NDST4: variants seen among roughly 807,000 people sequenced by gnomAD.
The protein encoded by NDST4 is N-heparan sulfate sulfotransferase 4.
NDST4 carries 63 observed loss-of-function variants against 100.8 expected under a neutral mutation model. The ratio of observed to expected loss-of-function variants is 0.62; its 90% CI spans 0.51 to 0.77. The LOEUF (loss-of-function observed/expected upper bound fraction) is 0.77. NDST4 is among the 30% of genes least tolerant of loss of function. The probability of loss-of-function intolerance (pLI) is 0.00; values close to 1 mark genes in which losing one functional copy is unlikely to be tolerated. For synonymous variants in NDST4, 377 were observed against 361.8 expected (o/e 1.04, Z -0.48); for missense variants, 943 against 1,018.4 (o/e 0.93, Z 1.01).
chr4:115,044,891 A>G (rs1728432356), intron 2 of NDST4, among the ~76,000 whole-genome samples: 1 of 151,980 alleles, frequency 6.6e-6, no homozygotes, highest in Admixed American at 6.6e-5. Context: ...AAATCTGATT[A>G]AAATGAATTC....
chr4:114,949,309 C>A (rs1041649737), intron 4 of NDST4, among the ~76,000 whole-genome samples: 5 of 151,732 alleles, frequency 3.3e-5, no homozygotes, highest in Non-Finnish European at 7.4e-5. Context: ...TGAATATAAG[C>A]AAATCTCAAA....
chr4:114,998,364 T>A (rs1727211062), intron 2 of NDST4, among the ~76,000 whole-genome samples: 1 of 152,092 alleles, frequency 6.6e-6, no homozygotes, highest in Non-Finnish European at 1.5e-5. Context: ...GTGGAAAGAA[T>A]CACTTCCAGC....
chr4:114,965,313 A>G (rs1344729884), intron 4 of NDST4, among the ~76,000 whole-genome samples: 3 of 151,966 alleles, frequency 2.0e-5, no homozygotes, highest in Admixed American at 2.0e-4. Flanking sequence ...ATATTACTTT[A>G]TTTCTTTTTA....
At chr4:115,018,745 C>A (rs1727743325) in intron 2 of NDST4, among the ~76,000 whole-genome samples, 1 of 151,898 alleles carries the variant, frequency 6.6e-6, no homozygotes, top group African/African-American at 2.4e-5. Context: ...ATAATATAAT[C>A]ATGGGGCTAA....
At chr4:114,944,001 T>A (rs1725807592) in intron 4 of NDST4, among the ~76,000 whole-genome samples, 1 of 152,160 alleles carries the variant, frequency 6.6e-6, no homozygotes, top group Non-Finnish European at 1.5e-5. Flanking sequence ...GAGTCAAGTA[T>A]AATGACTAAG....
chr4:114,880,590 C>T (rs149834462), intron 6 of NDST4, among the ~76,000 whole-genome samples: 1 of 152,136 alleles, frequency 6.6e-6, no homozygotes, highest in East Asian at 1.9e-4. Context: ...AAAATAATGT[C>T]ACATTTAGTT....
chr4:114,837,646 C>G (rs911288949), intron 11 of NDST4, among the ~76,000 whole-genome samples: 3 of 152,104 alleles, frequency 2.0e-5, no homozygotes, highest in Non-Finnish European at 2.9e-5. Context: ...GAAACTGGAC[C>G]CCTTCCTTAC....
chr4:114,876,771 A>C (rs1229518497), intron 6 of NDST4, among the ~76,000 whole-genome samples: 1 of 152,226 alleles, frequency 6.6e-6, no homozygotes, highest in Non-Finnish European at 1.5e-5. Flanking sequence ...CTAAAAGTGA[A>C]ACATTCCAAT....
chr4:114,874,135 G>A (rs1434184246), intron 6 of NDST4, among the ~76,000 whole-genome samples: 1 of 152,098 alleles, frequency 6.6e-6, no homozygotes, highest in Non-Finnish European at 1.5e-5. Context: ...ACCTGTGAGA[G>A]TCTAAAGTCT....
At chr4:114,865,009 A>G (rs879866938) in intron 7 of NDST4, among the ~76,000 whole-genome samples, 1 of 152,090 alleles carries the variant, frequency 6.6e-6, no homozygotes, top group Non-Finnish European at 1.5e-5. Flanking sequence ...AGGTAGTCTC[A>G]TAGTAAAACT....
chr4:114,859,891 A>G (rs1284608702), intron 7 of NDST4, among the ~76,000 whole-genome samples: 1 of 152,220 alleles, frequency 6.6e-6, no homozygotes, highest in African/African-American at 2.4e-5. Flanking sequence ...AATCATTTGC[A>G]ATGGAATCTC....
At chr4:114,921,586 CTTT>C (rs2126219149) in intron 6 of NDST4, among the ~76,000 whole-genome samples, 1 of 152,218 alleles carries the variant, frequency 6.6e-6, no homozygotes, top group Admixed American at 6.5e-5. Flanking sequence ...AAATCACTTG[CTTT>C]TTATCACATC....
chr4:114,909,669 CAAAAA>C (rs773267929), intron 6 of NDST4, among the ~76,000 whole-genome samples: 4 of 61,682 alleles, frequency 6.5e-5, no homozygotes, highest in South Asian at 6.1e-4. Flanking sequence ...GACTCCGTCT[CAAAAA>C]AAAAAAAAAA....
chr4:114,879,778 T>C (rs530862086), intron 6 of NDST4, among the ~76,000 whole-genome samples: 98 of 152,252 alleles, frequency 6.4e-4, no homozygotes, highest in African/African-American at 2.2e-3. Flanking sequence ...CCCCAAGGTC[T>C]GAAAACACAA....
intron 2 of NDST4, among the ~76,000 whole-genome samples, chr4:115,002,577 A>G (rs1271235532): frequency 2.0e-5 from 3 of 152,146 alleles, no homozygotes; most frequent in Admixed American, 1.3e-4. Flanking sequence ...GCTCACGCCT[A>G]TGTCCTGAAT....
At chr4:115,093,007 T>G (rs1347936950) in intron 1 of NDST4, among the ~76,000 whole-genome samples, 1 of 152,208 alleles carries the variant, frequency 6.6e-6, no homozygotes. Flanking sequence ...GAAATTATTT[T>G]GTGATGATAG....
chr4:114,978,393 CTAAG>C (rs1354565507), intron 2 of NDST4, among the ~76,000 whole-genome samples: 2 of 151,746 alleles, frequency 1.3e-5, no homozygotes, highest in Admixed American at 6.6e-5. Flanking sequence ...AAAAAAATGA[CTAAG>C]TAACTAAAAT....
chr4:114,988,420 G>T (rs1358556544), intron 2 of NDST4, among the ~76,000 whole-genome samples: 1 of 137,098 alleles, frequency 7.3e-6, no homozygotes, highest in Non-Finnish European at 1.5e-5. Flanking sequence ...GGAGTGCAGT[G>T]GCGCAATCTT....
At chr4:115,068,650 A>AG (rs1484480844) in intron 2 of NDST4, among the ~76,000 whole-genome samples, 1 of 150,812 alleles carries the variant, frequency 6.6e-6, no homozygotes, top group East Asian at 2.0e-4. Flanking sequence ...CCAAAAAAAA[A>AG]AAAAAAATAC....
Sources: allele counts gnomAD v4.1 joint callset (sites outside exome capture counted in the v4.1 genomes callset), GRCh38; gene constraint gnomAD v4.1.1; transcripts MANE v1.5; gene names NCBI Gene and HGNC (gene_info 2026-07-23, HGNC 2026-07-21).